Variants in GATA4 observed in about 807,000 individuals in gnomAD.
GATA4 encodes transcription factor GATA-4.
A neutral mutation model predicts 37.9 loss-of-function variants in GATA4; 7 were observed. The observed-to-expected ratio is 0.18, with a 90% CI of 0.11 to 0.35. The LOEUF is 0.35. Ranked by LOEUF, GATA4 falls within the 10% of genes least tolerant of loss-of-function variation. The pLI is 1.00. For synonymous variants in GATA4, 372 were observed against 292.6 expected (o/e 1.27, Z -2.77); for missense variants, 647 against 653.0 (o/e 0.99, Z 0.10).
chr8:11,693,104 T>G, intron 1 of GATA4: 1 of 975,614 alleles, frequency 1.0e-6, no homozygotes, highest in Non-Finnish European at 1.2e-6. Flanking sequence ...TTATTCCACT[T>G]CTTAATCCCA....
At chr8:11,686,550 T>A (rs1462537176) in intron 1 of GATA4, among the ~76,000 whole-genome samples, 3 of 152,200 alleles carry the variant, frequency 2.0e-5, no homozygotes, top group Non-Finnish European at 4.4e-5. Flanking sequence ...CCCTTCTTCA[T>A]CTACAAGGCA....
At position 11,681,181 on chromosome 8, in the gene GATA4, G is replaced by C. The variant is rs1156884039; in HGVS notation, c.-274+4118G>C. 4 of 985,306 alleles carry C rather than the reference G, an allele frequency of 4.1e-6. No individual in the cohort carries two copies. The East Asian group carries it at 4.5e-4, about 112-fold the overall frequency. 61.0% of individuals were successfully genotyped at this position (985,306 alleles called of 1,614,324 possible). On this transcript the variant is annotated intron_variant, in intron 1 of 6. Transcript: ENST00000528712. The stretch of plus-strand genomic sequence containing the variant: ...CTGTTCGCAGAACCTTCGGGGGTTA[G>C]TCACAGGCCCTGGCCCGCGCGGGAT...
At chr8:11,698,428 A>G (rs1306161648) in intron 1 of GATA4, among the ~76,000 whole-genome samples, 1 of 152,118 alleles carries the variant, frequency 6.6e-6, no homozygotes, top group African/African-American at 2.4e-5. Flanking sequence ...GAGTGAATGC[A>G]TGAGTGAATG....
chr8:11,754,770 G>C lies in GATA4; in HGVS notation c.913-276G>C, dbSNP rs13262643. ...AGTCTGGTTATTTCTCCTTGTCTGT[G>C]AATTTCTGAGGGTAGGAGCTGTGTG... On this transcript the variant is annotated intron_variant, in intron 4 of 6. Coordinates refer to ENST00000532059, the MANE Select transcript of GATA4 (RefSeq NM_001308093.3). Among the ~76,000 whole-genome samples the C allele has an allele frequency of 0.2, 30,980 of 152,002 alleles. 3,824 individuals carry two copies. The highest frequency in any genetic ancestry group is 0.59 in the East Asian group (3,010 of 5,124).
chr8:11,716,780 G>A (rs553949781), intron 2 of GATA4, among the ~76,000 whole-genome samples: 1 of 152,348 alleles, frequency 6.6e-6, no homozygotes, highest in South Asian at 2.1e-4. Flanking sequence ...TGAAGAACAA[G>A]TTACCTTCCT....
chr8:11,758,204 C>G (rs1802699934), intron 6 of GATA4, 89 bp from the exon 7 acceptor site: 1 of 1,330,326 alleles, frequency 7.5e-7, no homozygotes, highest in Non-Finnish European at 1.1e-6. Context: ...CTGGGGACAT[C>G]TGCATAGCAG....
At chr8:11,727,278 A>G (rs1160144448) in intron 2 of GATA4, among the ~76,000 whole-genome samples, 1 of 152,120 alleles carries the variant, frequency 6.6e-6, no homozygotes, top group African/African-American at 2.4e-5. Flanking sequence ...GGCATTAATA[A>G]TGGGGACCCT....
chr8:11,687,542 C>T (rs1799177149), intron 1 of GATA4, among the ~76,000 whole-genome samples: 1 of 152,188 alleles, frequency 6.6e-6, no homozygotes, highest in South Asian at 2.1e-4. Flanking sequence ...GTATCACATA[C>T]ATCACATTTG....
chr8:11,693,148 T>A, intron 1 of GATA4: 1 of 900,268 alleles, frequency 1.1e-6, no homozygotes. Context: ...CATTTGTTCC[T>A]AAAGAGCTGT....
chr8:11,708,307 G>A lies in GATA4; in HGVS notation c.-6G>A. ...AGGACACCGAAGCCGGGAGCTCGCAGGGACCATGTATCAGAGCTTGGCCAT... is the reference window on the plus strand; with the variant it reads ...AGGACACCGAAGCCGGGAGCTCGCAAGGACCATGTATCAGAGCTTGGCCAT... On this transcript the variant is annotated 5_prime_UTR_variant, in exon 2 of 7. Transcript: ENST00000532059. The surrounding 1 kb of genome is among the most constrained non-coding windows in gnomAD (Gnocchi z 6.7). 2 of 1,582,798 alleles carry A rather than the reference G, an allele frequency of 1.3e-6. No homozygotes were observed. The highest frequency in any genetic ancestry group is 1.7e-6 in the Non-Finnish European group (2 of 1,172,106).
chr8:11,689,515 G>C (rs143533909), upstream of GATA4, among the ~76,000 whole-genome samples: 293 of 152,264 alleles, frequency 1.9e-3, 2 homozygotes, highest in African/African-American at 6.9e-3. Context: ...ACCTTCTTTT[G>C]TTTATTTTGA....
intron 2 of GATA4, among the ~76,000 whole-genome samples, chr8:11,724,177 A>T (rs1290888615): frequency 1.3e-5 from 2 of 152,132 alleles, no homozygotes; most frequent in East Asian, 3.9e-4. Flanking sequence ...ATTCCATTGT[A>T]TGGATCGATA....
chr8:11,706,873 G>T (rs1799910265), intron 1 of GATA4, among the ~76,000 whole-genome samples: 1 of 152,162 alleles, frequency 6.6e-6, no homozygotes, highest in Non-Finnish European at 1.5e-5. Context: ...GAGTTGTAGA[G>T]AAAAGGACCT....
chr8:11,679,789 C>T (rs1798896488), intron 1 of GATA4, among the ~76,000 whole-genome samples: 1 of 152,116 alleles, frequency 6.6e-6, no homozygotes, highest in Non-Finnish European at 1.5e-5. Flanking sequence ...GAGATGGAGA[C>T]CCCCGAATAA....
Position 11,749,819 on chromosome 8 carries a change from G to A in GATA4, c.787-292G>A, listed in dbSNP as rs576907585. ...AGAAGCTTTCCTGCCGGCAGTGCCC[G>A]GCGCTCACTGGTTATTCGCCTGACG... On this transcript the variant is annotated intron_variant, in intron 3 of 6. Coordinates refer to ENST00000532059, the MANE Select transcript of GATA4 (RefSeq NM_001308093.3). This position sits in a 1 kb window ranked among gnomAD's most constrained non-coding sequence, Gnocchi z 4.6. 7.7e-4 allele frequency among the ~76,000 whole-genome samples: 117 copies of A among 152,308 alleles called. No individual in the cohort carries two copies. Among genetic ancestry groups the A allele is most frequent in the African/African-American group, 2.7e-3 (111 of 41,578 alleles).
intron 2 of GATA4, among the ~76,000 whole-genome samples, chr8:11,713,840 GC>G (rs1563203780): frequency 6.6e-6 from 1 of 152,176 alleles, no homozygotes; most frequent in Non-Finnish European, 1.5e-5. Flanking sequence ...GCCTTGCAGG[GC>G]TAGGATAGGA....
chr8:11,713,733 G>A (rs1408263907), intron 2 of GATA4, among the ~76,000 whole-genome samples: 2 of 152,208 alleles, frequency 1.3e-5, no homozygotes, highest in Middle Eastern at 3.2e-3. Flanking sequence ...CTAGACAATT[G>A]TGGTTGTGTG....
At chr8:11,680,740 G>A (rs990930181) in intron 1 of GATA4, 1 of 985,220 alleles carries the variant, frequency 1.0e-6, no homozygotes, top group African/African-American at 1.7e-5. Context: ...GGGCGGCGAG[G>A]AGAGCCCGGC....
At chr8:11,679,173 TA>T (rs1284712201) in intron 1 of GATA4, among the ~76,000 whole-genome samples, 1 of 47,786 alleles carries the variant, frequency 2.1e-5, no homozygotes, top group Non-Finnish European at 6.4e-5. Context: ...ATTATCCGAA[TA>T]ATTGCGGGGG....
Sources: gnomAD v4.1 joint callset for allele counts (sites outside exome capture counted in the v4.1 genomes callset) on GRCh38, gnomAD v4.1.1 for gene constraint, Gnocchi (gnomAD v3.1) non-coding constraint, MANE v1.5 for transcripts, NCBI Gene and HGNC (gene_info 2026-07-23, HGNC 2026-07-21) for gene names.